Variants in WHRN observed in about 807,000 individuals in gnomAD.
WHRN encodes whirlin.
Under a neutral mutation model 68.3 loss-of-function variants are expected in WHRN, and 41 were observed. That is an observed-to-expected ratio of 0.60 (90% CI 0.47 to 0.78). WHRN has a LOEUF of 0.78. Ranked by LOEUF, WHRN falls within the 30% of genes least tolerant of loss-of-function variation. The pLI, the probability that WHRN is intolerant of heterozygous loss-of-function variation, is 0.00. For missense variants in WHRN, 1,243 were observed against 1,244.7 expected (o/e 1.00, Z 0.02); for synonymous variants, 560 against 561.3 (o/e 1.00, Z 0.03).
chr9:114,440,519 G>GT (rs1838281544), intron 3 of WHRN, among the ~76,000 whole-genome samples: 1 of 152,158 alleles, frequency 6.6e-6, no homozygotes, highest in African/African-American at 2.4e-5. Context: ...GAGATTACAG[G>GT]TGTAAACCAT....
At chr9:114,492,200 T>C (rs888547765) in intron 1 of WHRN, among the ~76,000 whole-genome samples, 1 of 151,942 alleles carries the variant, frequency 6.6e-6, no homozygotes, top group Non-Finnish European at 1.5e-5. Context: ...CAAAACAAAT[T>C]CCGTCCCAGG....
intron 2 of WHRN, among the ~76,000 whole-genome samples, chr9:114,468,570 C>A (rs750756472): frequency 3.3e-5 from 5 of 152,042 alleles, no homozygotes; most frequent in Non-Finnish European, 7.4e-5. Flanking sequence ...GTGGTCTATC[C>A]CATGTGGGAT....
intron 4 of WHRN, chr9:114,425,672 T>C (rs1424894717): frequency 8.4e-6 from 2 of 239,098 alleles, no homozygotes; most frequent in East Asian, 2.0e-4. Context: ...TGCTCTGCAG[T>C]GTATTTGGCC....
At chr9:114,434,752 C>T (rs1837704636) in intron 3 of WHRN, among the ~76,000 whole-genome samples, 1 of 152,140 alleles carries the variant, frequency 6.6e-6, no homozygotes, top group Admixed American at 6.5e-5. Context: ...CCACCTTGCC[C>T]GATACTTTCC....
chr9:114,431,549 G>A (rs186762651), intron 3 of WHRN, among the ~76,000 whole-genome samples: 154 of 152,286 alleles, frequency 1.0e-3, no homozygotes, highest in Admixed American at 3.9e-3. Context: ...ATGGATGGGG[G>A]GACCCGGCCT....
chr9:114,423,198 G>C, intron 7 of WHRN, 116 bp downstream of exon 7: 1 of 1,091,522 alleles, frequency 9.2e-7, no homozygotes, highest in Non-Finnish European at 1.4e-6. Flanking sequence ...GAGAGGCAAG[G>C]CACACAGCTG....
chr9:114,480,656 A>AT (rs1236940510), intron 1 of WHRN, among the ~76,000 whole-genome samples: 1 of 152,176 alleles, frequency 6.6e-6, no homozygotes, highest in African/African-American at 2.4e-5. Context: ...AGTCTATGGT[A>AT]TTTTGTTATG....
At position 114,504,223 on chromosome 9, in the gene WHRN, G is replaced by T; in HGVS notation, c.579C>A (p.Asp193Glu). 6.2e-7 allele frequency: 1 copy of T among 1,614,174 alleles called. No individual in the cohort carries two copies. Among genetic ancestry groups the T allele is most frequent in the Non-Finnish European group, 8.5e-7 (1 of 1,180,044 alleles). Reference protein sequence around the residue: ...RVGDQILRVNDKSLARVTHAE... With the variant: ...RVGDQILRVNEKSLARVTHAE... ...CGTGGGTCACCCGGGCCAGGGATTT[G>T]TCGTTGACGCGCAGAATCTGGTCCC... The change falls in exon 1 of 12, where the codon GAC (aspartate) becomes GAA (glutamate). Residue 193 changes from aspartate to glutamate, a missense_variant. Transcript: ENST00000362057.
chr9:114,502,377 A>G (rs994859278), intron 1 of WHRN, among the ~76,000 whole-genome samples: 3 of 152,190 alleles, frequency 2.0e-5, no homozygotes, highest in African/African-American at 7.2e-5. Flanking sequence ...TTCAAAAACT[A>G]TGACATGGAG....
intron 1 of WHRN, among the ~76,000 whole-genome samples, chr9:114,480,364 G>A (rs537476008): frequency 2.6e-4 from 39 of 152,264 alleles, no homozygotes; most frequent in Non-Finnish European, 4.7e-4. Flanking sequence ...AGATCCATAC[G>A]CCGAAGCCCT....
At chr9:114,487,475 C>T (rs550988787) in intron 1 of WHRN, among the ~76,000 whole-genome samples, 1 of 152,276 alleles carries the variant, frequency 6.6e-6, no homozygotes, top group East Asian at 1.9e-4. Context: ...TGACATAAAG[C>T]TCATCTCTTC....
chr9:114,419,579 C>G (rs1178893554), intron 7 of WHRN, among the ~76,000 whole-genome samples: 1 of 152,204 alleles, frequency 6.6e-6, no homozygotes, highest in Non-Finnish European at 1.5e-5. Flanking sequence ...GAAAGTCACT[C>G]CCCTTGGGAG....
At chr9:114,450,511 T>G (rs1006849809) in intron 3 of WHRN, among the ~76,000 whole-genome samples, 1 of 152,146 alleles carries the variant, frequency 6.6e-6, no homozygotes, top group African/African-American at 2.4e-5. Flanking sequence ...GCAAATCACT[T>G]CCACCTTCTG....
At chr9:114,459,600 C>T (rs916440293) in intron 3 of WHRN, among the ~76,000 whole-genome samples, 3 of 152,112 alleles carry the variant, frequency 2.0e-5, no homozygotes, top group African/African-American at 7.2e-5. Flanking sequence ...GAGAACAGAC[C>T]CTGGCAGAAG....
chr9:114,435,972 G>A (rs575038077), intron 3 of WHRN, among the ~76,000 whole-genome samples: 18 of 152,116 alleles, frequency 1.2e-4, no homozygotes, highest in Middle Eastern at 3.4e-3. Flanking sequence ...TCCAGACATC[G>A]GCTCTCTCTC....
At chr9:114,439,417 C>T (rs907790175) in intron 3 of WHRN, among the ~76,000 whole-genome samples, 6 of 152,200 alleles carry the variant, frequency 3.9e-5, no homozygotes, top group African/African-American at 1.2e-4. Context: ...CTCTACTTCA[C>T]ATGGCAATTC....
rs1841840184 is a variant in WHRN, at chr9:114,478,505, G to A, written c.837+48C>T. 3 of 1,601,402 alleles carry A rather than the reference G, an allele frequency of 1.9e-6. No homozygotes were observed. In the African/African-American group the frequency reaches 4.0e-5, roughly 21 times the overall value. On this transcript the variant is annotated intron_variant, in intron 2 of 11. Transcript: ENST00000362057. ...AGCTCTGCTGTTCTGGGTTCGGAGG[G>A]AGAATACGGTGTCTGAGAGGCTGGC...
chr9:114,459,370 A>G (rs949320311), intron 3 of WHRN, among the ~76,000 whole-genome samples: 1 of 152,132 alleles, frequency 6.6e-6, no homozygotes, highest in African/African-American at 2.4e-5. Flanking sequence ...AGGCTGAAGC[A>G]GGAGAATTGC....
chr9:114,495,566 C>A (rs146433019), intron 1 of WHRN, among the ~76,000 whole-genome samples: 1,671 of 152,264 alleles, frequency 0.011, 84 homozygotes, highest in Admixed American at 0.083. Flanking sequence ...TAGATAAATA[C>A]ACTAAAAGGA....
Sources: allele counts gnomAD v4.1 joint callset (sites outside exome capture counted in the v4.1 genomes callset), GRCh38; gene constraint gnomAD v4.1.1; transcripts MANE v1.5; gene names NCBI Gene and HGNC (gene_info 2026-07-23, HGNC 2026-07-21).